The following CTNNA2 variants were observed in gnomAD, a reference collection of about 807,000 sequenced individuals.
The protein encoded by CTNNA2 is catenin alpha 2, also known as catenin alpha-2.
Under a neutral mutation model 101.0 loss-of-function variants are expected in CTNNA2, and 42 were observed. That is an observed-to-expected ratio of 0.42 (90% CI 0.32 to 0.54). The LOEUF is 0.54. CTNNA2 is among the 20% of genes least tolerant of loss of function. The pLI is 0.14. For synonymous variants in CTNNA2, 450 were observed against 456.4 expected, an observed-to-expected ratio of 0.99 and a Z score of 0.18; for missense variants, 871 against 1,223.1, an observed-to-expected ratio of 0.71 and a Z score of 4.29.
intron 7 of CTNNA2, among the ~76,000 whole-genome samples, chr2:80,289,396 C>T (rs1307326769): frequency 6.6e-6 from 1 of 152,146 alleles, no homozygotes; most frequent in African/African-American, 2.4e-5. Flanking sequence ...CTAATCTCTA[C>T]CCCAGTTCTC....
At chr2:80,419,195 G>C (rs972221384) in intron 8 of CTNNA2, among the ~76,000 whole-genome samples, 2 of 152,162 alleles carry the variant, frequency 1.3e-5, no homozygotes, top group African/African-American at 2.4e-5. Flanking sequence ...GCCTTTGATG[G>C]GAGAGGACCC....
intron 12 of CTNNA2, among the ~76,000 whole-genome samples, chr2:80,570,910 C>G (rs1262653988): frequency 2.6e-5 from 4 of 152,136 alleles, no homozygotes; most frequent in Non-Finnish European, 4.4e-5. Flanking sequence ...TATGTCACAG[C>G]ATTACTAGAT....
intron 8 of CTNNA2, among the ~76,000 whole-genome samples, chr2:80,406,975 T>A (rs1291186250): frequency 6.6e-6 from 1 of 152,112 alleles, no homozygotes; most frequent in African/African-American, 2.4e-5. Context: ...CCCTTGATAC[T>A]GTTGCCAAAT....
intron 7 of CTNNA2, among the ~76,000 whole-genome samples, chr2:80,134,738 A>G (rs1273808618): frequency 6.6e-6 from 1 of 152,112 alleles, no homozygotes; most frequent in Non-Finnish European, 1.5e-5. Flanking sequence ...TTATTGTGTC[A>G]CTTGCTCTGG....
intron 2 of CTNNA2, among the ~76,000 whole-genome samples, chr2:79,684,824 T>C (rs1683826658): frequency 6.6e-6 from 1 of 152,180 alleles, no homozygotes; most frequent in Non-Finnish European, 1.5e-5. Context: ...ATTGAAGATT[T>C]GTCCAAATTT....
At chr2:80,555,020 T>A (rs1398868118) in intron 11 of CTNNA2, among the ~76,000 whole-genome samples, 1 of 152,184 alleles carries the variant, frequency 6.6e-6, no homozygotes, top group Non-Finnish European at 1.5e-5. Flanking sequence ...GTTATGCAGA[T>A]CTTGACTATA....
At chr2:79,915,306 AACAC>A (rs10547196) in intron 7 of CTNNA2, among the ~76,000 whole-genome samples, 12,597 of 149,342 alleles carry the variant, frequency 0.084, 611 homozygotes, top group African/African-American at 0.13. Flanking sequence ...CACACACACA[AACAC>A]ACACACACAC....
At chr2:79,400,272 G>T (rs964822179) in intron 4 of CTNNA2, among the ~76,000 whole-genome samples, 15 of 151,934 alleles carry the variant, frequency 9.9e-5, no homozygotes, top group African/African-American at 3.1e-4. Flanking sequence ...GAAATTCCTT[G>T]TGAGGGAGGT....
At chr2:80,183,093 T>C (rs1208663463) in intron 7 of CTNNA2, among the ~76,000 whole-genome samples, 2 of 152,204 alleles carry the variant, frequency 1.3e-5, no homozygotes, top group Non-Finnish European at 2.9e-5. Context: ...CCTGGTATTA[T>C]TCCTGGTGTT....
At chr2:79,254,941 A>G (rs1374398400) in intron 2 of CTNNA2, among the ~76,000 whole-genome samples, 1 of 152,214 alleles carries the variant, frequency 6.6e-6, no homozygotes, top group African/African-American at 2.4e-5. Flanking sequence ...AGGATGATGC[A>G]TTAGAGCACT....
intron 12 of CTNNA2, among the ~76,000 whole-genome samples, chr2:80,562,832 T>C (rs1038599520): frequency 7.9e-5 from 12 of 152,166 alleles, no homozygotes; most frequent in African/African-American, 2.9e-4. Context: ...GTATAACATG[T>C]TCCATTTATT....
intron 6 of CTNNA2, among the ~76,000 whole-genome samples, chr2:79,895,533 T>A (rs766288783): frequency 2.8e-4 from 42 of 152,156 alleles, no homozygotes; most frequent in Admixed American, 1.6e-3. Context: ...CCGTTTTAAA[T>A]GGATAATTTA....
At position 79,297,445 on chromosome 2, in the gene CTNNA2, C is replaced by A. The variant is rs75231118; in HGVS notation, c.-405-15264C>A. On this transcript the variant is annotated intron_variant, in intron 2 of 21. Coordinates refer to the CTNNA2 transcript ENST00000466387. ...GTTTTTAAACAAATTCTGGAAAGAC[C>A]AATTCTATGACAATATCAAGATCTA... Among the ~76,000 whole-genome samples the A allele has an allele frequency of 4.7e-3, 721 of 152,222 alleles. 22 individuals are homozygous for A. The highest frequency in any genetic ancestry group is 0.034 in the Admixed American group (526 of 15,292).
intron 2 of CTNNA2, among the ~76,000 whole-genome samples, chr2:79,298,785 C>T (rs920273113): frequency 2.6e-5 from 4 of 152,238 alleles, no homozygotes; most frequent in South Asian, 2.1e-4. Context: ...ATTCTCTAGG[C>T]ATCACAAGCC....
intron 2 of CTNNA2, among the ~76,000 whole-genome samples, chr2:79,306,628 A>C (rs556558539): frequency 6.6e-6 from 1 of 152,180 alleles, no homozygotes; most frequent in East Asian, 1.9e-4. Flanking sequence ...TTTTTGCCCC[A>C]TTTATGCATA....
chr2:79,352,629 T>C (rs1307964166), intron 3 of CTNNA2, among the ~76,000 whole-genome samples: 1 of 152,144 alleles, frequency 6.6e-6, no homozygotes, highest in Admixed American at 6.6e-5. Flanking sequence ...TCTACTAGCT[T>C]TGGGGTTGTT....
At chr2:80,252,450 A>AGAACTC (rs1283027505) in intron 7 of CTNNA2, among the ~76,000 whole-genome samples, 29 of 152,172 alleles carry the variant, frequency 1.9e-4, no homozygotes, top group Non-Finnish European at 3.7e-4. Flanking sequence ...TAGAAATTCA[A>AGAACTC]AGTTCTTGGC....
Position 79,819,128 on chromosome 2 carries a change from C to T in CTNNA2, c.299-38885C>T, listed in dbSNP as rs566032685. On this transcript the variant is annotated intron_variant, in intron 3 of 18. Transcript: ENST00000402739. ...CTGAGTAGCTGGGATTACAGGCATG[C>T]GCCACCACGCCCAGCTAATTTTGTA... is the stretch of plus-strand genomic sequence containing the variant. Among the ~76,000 whole-genome samples the T allele has an allele frequency of 5.8e-3, 879 of 151,564 alleles. 6 individuals carry two copies. The highest frequency in any genetic ancestry group is 0.02 in the African/African-American group (845 of 41,316).
intron 7 of CTNNA2, among the ~76,000 whole-genome samples, chr2:80,340,580 C>T (rs575995518): frequency 1.3e-5 from 2 of 152,308 alleles, no homozygotes; most frequent in African/African-American, 4.8e-5. Context: ...AGGTGACATA[C>T]AGCCCTTTAG....
Sources: gnomAD v4.1 joint callset for allele counts (sites outside exome capture counted in the v4.1 genomes callset) on GRCh38, gnomAD v4.1.1 for gene constraint, MANE v1.5 for transcripts, NCBI Gene and HGNC (gene_info 2026-07-23, HGNC 2026-07-21) for gene names.